TENM2: variants seen among roughly 807,000 people sequenced by gnomAD.
The protein encoded by TENM2 is teneurin transmembrane protein 2, also known as teneurin-2.
In TENM2, 52 loss-of-function variants were observed where a neutral mutation model predicts 245.2. That is an observed-to-expected ratio of 0.21 (90% confidence interval 0.17 to 0.27). TENM2 has a LOEUF of 0.27. Ranked by LOEUF, TENM2 falls within the 10% of genes least tolerant of loss-of-function variation. The probability of loss-of-function intolerance (pLI) is 1.00; values close to 1 mark genes in which losing one functional copy is unlikely to be tolerated. For synonymous variants in TENM2, 1,363 were observed against 1,438.9 expected, an observed-to-expected ratio of 0.95 and a Z score of 1.19; for missense variants, 3,046 against 3,666.8, an observed-to-expected ratio of 0.83 and a Z score of 4.37.
the TENM2 span, among the ~76,000 whole-genome samples, chr5:167,196,486 GTATATATATATGTGTA>G: frequency 6.9e-6 from 1 of 144,182 alleles, no homozygotes; most frequent in Non-Finnish European, 1.5e-5. Flanking sequence ...ATATATGTGT[GTATATATATATGTGTA>G]TATATATGTG....
chr5:167,181,319 T>C, the TENM2 span, among the ~76,000 whole-genome samples: 3 of 152,156 alleles, frequency 2.0e-5, no homozygotes, highest in Admixed American at 6.6e-5. Context: ...TATTCAAAAC[T>C]AGTTTTTCTT....
Position 167,952,580 on chromosome 5 carries a change from T to A in TENM2, c.713-8T>A. 1 of 1,600,186 alleles carries A rather than the reference T, an allele frequency of 6.2e-7. No homozygotes were observed. Among genetic ancestry groups the A allele is most frequent in the Non-Finnish European group, 8.5e-7 (1 of 1,173,282 alleles). ...GACGCTAACAGTCATTTCTCCTTTT[T>A]TTTTCAGGCCCTCCGAACCACCACA... On this transcript the variant is annotated splice_polypyrimidine_tract_variant and splice_region_variant and intron_variant, in intron 3 of 28. Transcript: ENST00000518659.
intron 2 of TENM2, among the ~76,000 whole-genome samples, chr5:167,573,741 G>T (rs936202029): frequency 6.6e-6 from 1 of 152,038 alleles, no homozygotes; most frequent in Non-Finnish European, 1.5e-5. Context: ...CAGTTTGATC[G>T]AGCGTTCCTT....
At chr5:167,945,322 G>GGT in intron 3 of TENM2, among the ~76,000 whole-genome samples, 1 of 119,170 alleles carries the variant, frequency 8.4e-6, no homozygotes, top group East Asian at 2.4e-4. Context: ...TCAAGCACCC[G>GGT]GGGGGGGCAC....
At chr5:167,155,352 A>G in the TENM2 span, among the ~76,000 whole-genome samples, 1 of 152,234 alleles carries the variant, frequency 6.6e-6, no homozygotes, top group Non-Finnish European at 1.5e-5. Flanking sequence ...CTATGGTCAA[A>G]TAATATTGAG....
chr5:167,831,706 A>G (rs1768512543), intron 2 of TENM2, among the ~76,000 whole-genome samples: 1 of 152,010 alleles, frequency 6.6e-6, no homozygotes, highest in East Asian at 1.9e-4. Context: ...TTTTGCAGCA[A>G]TTTTCCCAAC....
chr5:167,429,867 A>G (rs1352496722), intron 2 of TENM2, among the ~76,000 whole-genome samples: 4 of 152,160 alleles, frequency 2.6e-5, no homozygotes, highest in African/African-American at 9.7e-5. Context: ...TTGGCCTCCC[A>G]AAGTGCTGGG....
the TENM2 span, among the ~76,000 whole-genome samples, chr5:167,070,319 TG>T: frequency 7.3e-6 from 1 of 137,098 alleles, no homozygotes; most frequent in African/African-American, 2.9e-5. Flanking sequence ...TTAGTAGAGA[TG>T]GGGTTTCATC....
intron 13 of TENM2, among the ~76,000 whole-genome samples, chr5:168,189,862 C>A (rs533352111): frequency 1.0e-3 from 158 of 152,284 alleles, no homozygotes; most frequent in African/African-American, 3.5e-3. Flanking sequence ...TCTGCTTCAG[C>A]CTCCCAAAGT....
At chr5:167,298,299 G>T (rs1308192407) in intron 1 of TENM2, among the ~76,000 whole-genome samples, 1 of 152,150 alleles carries the variant, frequency 6.6e-6, no homozygotes, top group Non-Finnish European at 1.5e-5. Context: ...ATATGGTTTT[G>T]TATGAATTGA....
intron 12 of TENM2, among the ~76,000 whole-genome samples, chr5:168,140,080 C>A (rs1325649180): frequency 6.6e-6 from 1 of 152,186 alleles, no homozygotes; most frequent in Non-Finnish European, 1.5e-5. Context: ...ACTGGGACAG[C>A]TTTGGCTTCT....
intron 2 of TENM2, among the ~76,000 whole-genome samples, chr5:167,701,739 T>C (rs943555439): frequency 1.9e-4 from 29 of 152,222 alleles, no homozygotes; most frequent in African/African-American, 6.3e-4. Context: ...TAAATTGTAG[T>C]TGTTATTACT....
intron 13 of TENM2, among the ~76,000 whole-genome samples, chr5:168,182,898 G>T (rs62383456): frequency 6.8e-6 from 1 of 146,306 alleles, no homozygotes; most frequent in Non-Finnish European, 1.5e-5. Context: ...TGATGCAATT[G>T]GGCCTCACTG....
chr5:167,431,970 T>TGTATATATATATATATATATATAC (rs1554150945), intron 2 of TENM2, among the ~76,000 whole-genome samples: 26 of 135,520 alleles, frequency 1.9e-4, no homozygotes, highest in African/African-American at 7.4e-4. Context: ...TGTATATATA[T>TGTATATATATATATATATATATAC]ATATATATGG....
chr5:167,479,796 A>C (rs1208271302), intron 2 of TENM2, among the ~76,000 whole-genome samples: 1 of 152,204 alleles, frequency 6.6e-6, no homozygotes, highest in African/African-American at 2.4e-5. Context: ...AACCGGAAGC[A>C]TAGTAAGATC....
chr5:167,551,163 G>C (rs147379459), intron 2 of TENM2, among the ~76,000 whole-genome samples: 233 of 152,280 alleles, frequency 1.5e-3, no homozygotes, highest in African/African-American at 5.2e-3. Context: ...TGAAGTATGT[G>C]TACCTCCTTG....
At chr5:167,092,398 C>T in the TENM2 span, among the ~76,000 whole-genome samples, 11 of 152,220 alleles carry the variant, frequency 7.2e-5, no homozygotes, top group East Asian at 2.1e-3. Flanking sequence ...AAATTAATTA[C>T]AATCTGGTCC....
intron 2 of TENM2, among the ~76,000 whole-genome samples, chr5:167,615,396 T>G (rs1303227281): frequency 1.3e-5 from 2 of 152,154 alleles, no homozygotes; most frequent in Admixed American, 6.5e-5. Context: ...TATTTCATTT[T>G]GTGTTTAACA....
intron 7 of TENM2, among the ~76,000 whole-genome samples, chr5:168,075,215 C>T (rs1791364980): frequency 6.6e-6 from 1 of 152,186 alleles, no homozygotes; most frequent in Admixed American, 6.5e-5. Flanking sequence ...AGTTACTTCA[C>T]TTAGAATAAT....
Sources: gnomAD v4.1 joint callset for allele counts (sites outside exome capture counted in the v4.1 genomes callset) on GRCh38, gnomAD v4.1.1 for gene constraint, MANE v1.5 for transcripts, NCBI Gene and HGNC (gene_info 2026-07-23, HGNC 2026-07-21) for gene names.